SEMA6A: variants seen among roughly 807,000 people sequenced by gnomAD.
SEMA6A encodes the protein semaphorin 6A.
Under a neutral mutation model 96.8 loss-of-function variants are expected in SEMA6A, and 25 were observed. That is an observed-to-expected ratio of 0.26 (90% CI 0.19 to 0.36). The LOEUF is 0.36. SEMA6A is among the 10% of genes least tolerant of loss of function. SEMA6A has a pLI of 1.00. For synonymous variants in SEMA6A, 612 were observed against 518.0 expected (o/e 1.18, Z -2.46); for missense variants, 1,363 against 1,323.1 (o/e 1.03, Z -0.47).
Position 116,574,471 on chromosome 5 carries a change from C to T in SEMA6A, c.-325G>A, listed in dbSNP as rs975255425. ...AAAAGAAGAAAAAGAAAAAGAAAAC[C>T]AACAAGGAAGAGGGTAAATGTTCAA... On this transcript the variant is annotated 5_prime_UTR_variant, in exon 1 of 19. Coordinates refer to ENST00000343348, the MANE Select transcript of SEMA6A (RefSeq NM_020796.5). 1.3e-5 allele frequency: 2 copies of T among 152,062 alleles called. No homozygotes were observed. The highest frequency in any genetic ancestry group is 4.8e-5 in the African/African-American group (2 of 41,286). The allele number at this position is 152,062 out of a possible 1,614,324, so 9.4% of individuals were successfully genotyped here.
intron 6 of SEMA6A, among the ~76,000 whole-genome samples, chr5:116,492,109 T>G (rs1352390157): frequency 6.6e-6 from 1 of 152,166 alleles, no homozygotes; most frequent in African/African-American, 2.4e-5. Context: ...AGATATTTTA[T>G]ACCAACCAAG....
chr5:116,481,276 A>T (rs1201091101), intron 11 of SEMA6A, among the ~76,000 whole-genome samples: 1 of 152,130 alleles, frequency 6.6e-6, no homozygotes, highest in Non-Finnish European at 1.5e-5. Context: ...ACTTACTGAA[A>T]CCTGATCCCT....
At chr5:116,457,842 T>C (rs1755113112) in intron 18 of SEMA6A, among the ~76,000 whole-genome samples, 1 of 152,152 alleles carries the variant, frequency 6.6e-6, no homozygotes, top group Admixed American at 6.6e-5. Flanking sequence ...AGTTTATCTA[T>C]TACTTGCATA....
At chr5:116,512,029 GAAC>G (rs1321248589) in intron 1 of SEMA6A, among the ~76,000 whole-genome samples, 1 of 152,214 alleles carries the variant, frequency 6.6e-6, no homozygotes, top group African/African-American at 2.4e-5. Flanking sequence ...ACAGAGGCTG[GAAC>G]TGCTGATCAT....
intron 1 of SEMA6A, among the ~76,000 whole-genome samples, chr5:116,526,071 C>T (rs770875300): frequency 7.6e-5 from 11 of 145,178 alleles, no homozygotes; most frequent in Admixed American, 6.8e-5. Context: ...CTTCGATTGA[C>T]TTGGGTGGGT....
intron 1 of SEMA6A, among the ~76,000 whole-genome samples, chr5:116,524,779 C>CACACACACAG (rs577424262): frequency 0.038 from 5,733 of 150,218 alleles, 358 homozygotes; most frequent in African/African-American, 0.14. Context: ...TATACACACA[C>CACACACACAG]ACACACACAG....
rs533776442 is a variant in SEMA6A, at chr5:116,494,623, T to G, written c.444+790A>C. 2.6e-5 allele frequency among the ~76,000 whole-genome samples: 4 copies of G among 152,292 alleles called. No individual in the cohort carries two copies. In the South Asian group the frequency reaches 8.3e-4, roughly 32 times the overall value. On this transcript the variant is annotated intron_variant, in intron 6 of 18. Coordinates refer to ENST00000343348, the MANE Select transcript of SEMA6A (RefSeq NM_020796.5). ...TGATGTCACCATGGCAGCAACCCCA[T>G]GAAATTGTTGTTTTCTTCTCCCTGC...
intron 16 of SEMA6A, among the ~76,000 whole-genome samples, chr5:116,475,019 T>C (rs924780410): frequency 6.6e-6 from 1 of 152,228 alleles, no homozygotes; most frequent in Non-Finnish European, 1.5e-5. Flanking sequence ...AAAGATTATT[T>C]TGAATTGCCT....
At chr5:116,523,340 G>C (rs1308031812) in intron 1 of SEMA6A, among the ~76,000 whole-genome samples, 1 of 152,124 alleles carries the variant, frequency 6.6e-6, no homozygotes, top group South Asian at 2.1e-4. Flanking sequence ...TTGAGACAGG[G>C]TCTTGCTCTG....
At chr5:116,550,410 A>G (rs1030606934) in intron 1 of SEMA6A, 8 of 152,186 alleles carry the variant, frequency 5.3e-5, no homozygotes, top group African/African-American at 1.7e-4. Context: ...TAATACTCCA[A>G]AAGTGCTAAT....
chr5:116,528,404 TA>T (rs1759322016), intron 1 of SEMA6A, among the ~76,000 whole-genome samples: 1 of 152,192 alleles, frequency 6.6e-6, no homozygotes, highest in Admixed American at 6.5e-5. Flanking sequence ...CATTCGCCTT[TA>T]CAATATCAAG....
intron 17 of SEMA6A, 133 bp from the exon 18 acceptor site, chr5:116,467,880 TTAGTGGTGGTGG>T (rs1755867249): frequency 4.1e-6 from 3 of 730,962 alleles, no homozygotes; most frequent in African/African-American, 4.8e-5. Context: ...ATGACACGGC[TTAGTGGTGGTGG>T]TGGTGGTGGT....
At chr5:116,499,300 G>A (rs1045029139) in intron 3 of SEMA6A, 3 of 151,976 alleles carry the variant, frequency 2.0e-5, no homozygotes, top group East Asian at 1.9e-4. Flanking sequence ...CTCATATGCT[G>A]TTCTTCCTGA....
intron 4 of SEMA6A, 103 bp from the exon 5 acceptor site, chr5:116,496,416 A>C: frequency 1.1e-6 from 1 of 909,598 alleles, no homozygotes; most frequent in Non-Finnish European, 1.7e-6. Context: ...ACATATATTT[A>C]TTGAAAGCTT....
chr5:116,563,283 A>T (rs1033664887), intron 1 of SEMA6A, among the ~76,000 whole-genome samples: 25 of 152,170 alleles, frequency 1.6e-4, no homozygotes, highest in Admixed American at 1.6e-3. Context: ...AGCAATTTTG[A>T]TAGGTAAATT....
chr5:116,506,772 A>T (rs2112780144), intron 1 of SEMA6A, among the ~76,000 whole-genome samples: 1 of 152,258 alleles, frequency 6.6e-6, no homozygotes, highest in South Asian at 2.1e-4. Flanking sequence ...GCCTCAGAGA[A>T]TTTGCAGCAT....
chr5:116,520,977 G>T (rs1047388064), intron 1 of SEMA6A, among the ~76,000 whole-genome samples: 2 of 152,162 alleles, frequency 1.3e-5, no homozygotes, highest in Non-Finnish European at 2.9e-5. Flanking sequence ...AATGTCCCTG[G>T]AATCAAAAGA....
At chr5:116,540,998 T>A (rs139872076) in intron 1 of SEMA6A, among the ~76,000 whole-genome samples, 1 of 152,344 alleles carries the variant, frequency 6.6e-6, no homozygotes, top group African/African-American at 2.4e-5. Context: ...AATATTAAGA[T>A]GACAATGTAA....
intron 1 of SEMA6A, among the ~76,000 whole-genome samples, chr5:116,544,988 C>T (rs1359315291): frequency 6.6e-6 from 1 of 152,154 alleles, no homozygotes; most frequent in Non-Finnish European, 1.5e-5. Flanking sequence ...CACATCTGTT[C>T]CCCTGGTCAC....
Sources: allele counts gnomAD v4.1 joint callset (sites outside exome capture counted in the v4.1 genomes callset), GRCh38; gene constraint gnomAD v4.1.1; transcripts MANE v1.5; gene names NCBI Gene and HGNC (gene_info 2026-07-23, HGNC 2026-07-21).